SLC26A8: variants seen among roughly 807,000 people sequenced by gnomAD.
SLC26A8 encodes the protein solute carrier family 26 member 8, also known as testis anion transporter 1.
In SLC26A8, 70 loss-of-function variants were observed where a neutral mutation model predicts 105.0. The observed-to-expected ratio is 0.67, with a 90% confidence interval of 0.55 to 0.81. The LOEUF is 0.81. Among genes scored for constraint, SLC26A8 ranks in the 40% least tolerant of loss-of-function variants. The pLI is 0.00. For synonymous variants in SLC26A8, 415 were observed against 438.3 expected (o/e 0.95, Z 0.66); for missense variants, 998 against 1,181.8 (o/e 0.84, Z 2.28).
chr6:35,988,804 A>G (rs1773632800), intron 7 of SLC26A8, among the ~76,000 whole-genome samples: 2 of 151,608 alleles, frequency 1.3e-5, no homozygotes, highest in African/African-American at 4.8e-5. Flanking sequence ...TTTAGATACA[A>G]TAAAGTGCAC....
chr6:35,968,057 C>T (rs183169242), intron 11 of SLC26A8, among the ~76,000 whole-genome samples: 26 of 151,848 alleles, frequency 1.7e-4, no homozygotes, highest in East Asian at 7.8e-4. Context: ...CACGTTGGCC[C>T]GGCTGATCTT....
At chr6:35,950,747 A>G (rs1771839938) in intron 19 of SLC26A8, among the ~76,000 whole-genome samples, 3 of 152,176 alleles carry the variant, frequency 2.0e-5, no homozygotes, top group African/African-American at 7.2e-5. Context: ...CATTAGTATT[A>G]TTATTCATCC....
At chr6:36,023,743 A>C (rs1446199131) in intron 1 of SLC26A8, among the ~76,000 whole-genome samples, 1 of 152,132 alleles carries the variant, frequency 6.6e-6, no homozygotes, top group Non-Finnish European at 1.5e-5. Context: ...CAAAATAAGC[A>C]TTTGTAATTC....
At position 35,997,972 on chromosome 6, in the gene SLC26A8, A is replaced by C. The variant is rs905755490; in HGVS notation, c.446-53T>G. On this transcript the variant is annotated intron_variant, in intron 4 of 19. Transcript: ENST00000490799. Reference sequence around the variant, plus strand: ...TGAAGTTTCAAGTCCAGGTAAACTGATATTGACAAAAGCAAGGTATGGTTG... The same window carrying C: ...TGAAGTTTCAAGTCCAGGTAAACTGCTATTGACAAAAGCAAGGTATGGTTG... 4 of 1,534,334 alleles carry C rather than the reference A, an allele frequency of 2.6e-6. No homozygotes were observed. In the African/African-American group the frequency reaches 5.5e-5, roughly 21 times the overall value.
intron 1 of SLC26A8, among the ~76,000 whole-genome samples, chr6:36,022,666 T>C (rs2127379083): frequency 6.6e-6 from 1 of 152,064 alleles, no homozygotes; most frequent in African/African-American, 2.4e-5. Flanking sequence ...AGGTGGAAAG[T>C]TGTCTTTAAG....
intron 4 of SLC26A8, among the ~76,000 whole-genome samples, chr6:35,999,582 T>C (rs1475583833): frequency 6.6e-6 from 1 of 152,252 alleles, no homozygotes; most frequent in Non-Finnish European, 1.5e-5. Flanking sequence ...TAACATTTTC[T>C]CACTGTAAAT....
chr6:36,005,528 T>A (rs1434844276), intron 3 of SLC26A8, among the ~76,000 whole-genome samples: 2 of 152,224 alleles, frequency 1.3e-5, no homozygotes, highest in Non-Finnish European at 2.9e-5. Flanking sequence ...TCGGTTTGTC[T>A]TATATTTCCT....
chr6:35,967,753 G>A (rs1223623583), intron 11 of SLC26A8, among the ~76,000 whole-genome samples: 1 of 152,170 alleles, frequency 6.6e-6, no homozygotes, highest in Non-Finnish European at 1.5e-5. Flanking sequence ...TGTGGCTTCT[G>A]AAGTCTATTT....
chr6:35,987,195 G>T (rs1002091012), intron 7 of SLC26A8, among the ~76,000 whole-genome samples: 11 of 152,310 alleles, frequency 7.2e-5, no homozygotes, highest in Admixed American at 3.9e-4. Flanking sequence ...GATAGACCTG[G>T]ATTAGTTAGT....
intron 5 of SLC26A8, among the ~76,000 whole-genome samples, chr6:35,995,872 C>T (rs956985084): frequency 6.6e-6 from 1 of 152,064 alleles, no homozygotes; most frequent in Non-Finnish European, 1.5e-5. Context: ...ATGCATGAGG[C>T]CCCTTGATAA....
intron 3 of SLC26A8, among the ~76,000 whole-genome samples, chr6:36,005,146 T>G (rs1761650609): frequency 6.6e-6 from 1 of 152,154 alleles, no homozygotes; most frequent in Admixed American, 6.5e-5. Flanking sequence ...TTCCAAACTT[T>G]CCAACACCTT....
intron 3 of SLC26A8, among the ~76,000 whole-genome samples, chr6:36,004,775 A>T (rs1385598809): frequency 6.6e-6 from 1 of 150,958 alleles, no homozygotes; most frequent in East Asian, 1.9e-4. Flanking sequence ...TCAGCCTCCC[A>T]AAGTAGCTGG....
At chr6:36,016,449 C>T (rs978971321) in intron 2 of SLC26A8, among the ~76,000 whole-genome samples, 1 of 152,182 alleles carries the variant, frequency 6.6e-6, no homozygotes, top group Non-Finnish European at 1.5e-5. Context: ...ACAGTAGTAT[C>T]AGCAGAACTT....
At chr6:35,945,170 AT>A (rs1314869939) in intron 19 of SLC26A8, among the ~76,000 whole-genome samples, 1 of 152,094 alleles carries the variant, frequency 6.6e-6, no homozygotes, top group Non-Finnish European at 1.5e-5. Context: ...TTTCATTAAA[AT>A]TTTTTTTAAT....
rs370122961 is a variant in SLC26A8, at chr6:36,019,607, G to T, written c.101C>A (p.Thr34Asn). 4.2e-5 allele frequency: 68 copies of T among 1,614,132 alleles called. No homozygotes were observed. The African/African-American group carries it at 4.9e-4, about 12-fold the overall frequency. Reference protein sequence around the residue: ...DVKREVYNEETFQQEHKRKAS... With the variant: ...DVKREVYNEENFQQEHKRKAS... Reference sequence around the variant, plus strand: ...CTTCCTTTTGTGTTCCTGTTGAAAGGTCTCCTCATTGTATACTTCACGCTT... The same window carrying T: ...CTTCCTTTTGTGTTCCTGTTGAAAGTTCTCCTCATTGTATACTTCACGCTT... The change falls in exon 2 of 20, where the codon ACC (threonine) becomes AAC (asparagine). Residue 34 changes from threonine (T) to asparagine (N), a missense_variant. By Grantham distance (65) the Thr-to-Asn change is moderately conservative. Coordinates refer to ENST00000490799, the MANE Select transcript of SLC26A8 (RefSeq NM_052961.4).
chr6:35,965,390 C>T (rs1303753711), intron 11 of SLC26A8, among the ~76,000 whole-genome samples: 1 of 151,970 alleles, frequency 6.6e-6, no homozygotes. Flanking sequence ...CATTTTTGCT[C>T]ACACCTGGCT....
At chr6:35,979,158 T>G (rs980581437) in intron 8 of SLC26A8, among the ~76,000 whole-genome samples, 1 of 151,644 alleles carries the variant, frequency 6.6e-6, no homozygotes, top group Non-Finnish European at 1.5e-5. Context: ...GGCCCTACTA[T>G]GTATATTTTA....
chr6:35,982,356 C>CT (rs1464987208), intron 7 of SLC26A8, among the ~76,000 whole-genome samples, 153 bp from the exon 8 acceptor site: 2 of 152,172 alleles, frequency 1.3e-5, no homozygotes, highest in African/African-American at 4.8e-5. Context: ...AGAGGCATGG[C>CT]TAGTTCAGCG....
intron 10 of SLC26A8, among the ~76,000 whole-genome samples, chr6:35,970,832 C>A (rs1299357082): frequency 6.6e-6 from 1 of 152,016 alleles, no homozygotes; most frequent in East Asian, 1.9e-4. Context: ...TCGACACCAG[C>A]CTGGCCAACA....
Sources: allele counts gnomAD v4.1 joint callset (sites outside exome capture counted in the v4.1 genomes callset), GRCh38; gene constraint gnomAD v4.1.1; transcripts MANE v1.5; gene names NCBI Gene and HGNC (gene_info 2026-07-23, HGNC 2026-07-21).